Variants in SLCO3A1 observed in about 807,000 individuals in gnomAD.
SLCO3A1 encodes PGE1 transporter.
Under a neutral mutation model 63.1 loss-of-function variants are expected in SLCO3A1, and 27 were observed. That is an observed-to-expected ratio of 0.43 (90% CI 0.32 to 0.59). The LOEUF is 0.59. Among genes scored for constraint, SLCO3A1 ranks in the 20% least tolerant of loss-of-function variants. The pLI, the probability that SLCO3A1 is intolerant of heterozygous loss-of-function variation, is 0.09. For synonymous variants in SLCO3A1, 473 were observed against 409.9 expected, an observed-to-expected ratio of 1.15 and a Z score of -1.86; for missense variants, 773 against 945.8, an observed-to-expected ratio of 0.82 and a Z score of 2.40.
intron 2 of SLCO3A1, among the ~76,000 whole-genome samples, chr15:91,917,411 C>T (rs1898698418): frequency 6.6e-6 from 1 of 152,342 alleles, no homozygotes; most frequent in South Asian, 2.1e-4. Flanking sequence ...AGGTTCCTAT[C>T]TGCCAGGCTT....
At chr15:91,962,246 G>C (rs186803037) in intron 2 of SLCO3A1, among the ~76,000 whole-genome samples, 1 of 152,106 alleles carries the variant, frequency 6.6e-6, no homozygotes, top group Non-Finnish European at 1.5e-5. Flanking sequence ...TTGGGAGGCC[G>C]AGGCAGATGG....
chr15:91,938,170 C>T (rs1438836030), intron 2 of SLCO3A1, among the ~76,000 whole-genome samples: 1 of 152,188 alleles, frequency 6.6e-6, no homozygotes, highest in East Asian at 1.9e-4. Context: ...CCACTTGGAG[C>T]TTTCTGAGCC....
At chr15:92,107,919 T>A (rs1360370465) in intron 4 of SLCO3A1, among the ~76,000 whole-genome samples, 1 of 152,232 alleles carries the variant, frequency 6.6e-6, no homozygotes, top group Admixed American at 6.5e-5. Context: ...TGGTGTCTGG[T>A]TTAGTCTTTA....
chr15:91,891,490 T>C (rs1897869694), intron 1 of SLCO3A1, among the ~76,000 whole-genome samples: 1 of 152,184 alleles, frequency 6.6e-6, no homozygotes, highest in Non-Finnish European at 1.5e-5. Context: ...TCCCCAATTC[T>C]CACTCTACCC....
Position 92,163,453 on chromosome 15 carries a change from G to C in SLCO3A1, c.*318G>C. On this transcript the variant is annotated 3_prime_UTR_variant, in exon 10 of 10. Coordinates refer to ENST00000318445, the MANE Select transcript of SLCO3A1 (RefSeq NM_013272.4). ...CAAGCAACAGGCACTGCCAAATTCA[G>C]GGAACAGTGGTGGCCAGCTTGGAGG... 1 of 1,048,344 alleles carries C rather than the reference G, an allele frequency of 9.5e-7. No individual in the cohort carries two copies. The highest frequency in any genetic ancestry group is 1.1e-6 in the Non-Finnish European group (1 of 871,852). The allele number at this position is 1,048,344 out of a possible 1,614,324, so 64.9% of individuals were successfully genotyped here.
intron 2 of SLCO3A1, among the ~76,000 whole-genome samples, chr15:91,976,587 G>A (rs571722420): frequency 3.6e-4 from 55 of 152,208 alleles, no homozygotes; most frequent in African/African-American, 1.2e-3. Flanking sequence ...GGGAATCCAC[G>A]TTGGGCACCA....
At position 92,163,033 on chromosome 15, in the gene SLCO3A1, C is replaced by G. The variant is rs539588950; in HGVS notation, c.2031C>G (p.Asn677Lys). The change falls in exon 10 of 10, where the codon AAC becomes AAG. Residue 677 changes from asparagine (N) to lysine (K), a missense_variant. Transcript: ENST00000318445. ...EFFASTLTLD[N>K]LGRDPVPANQ... is the part of the protein sequence containing the mutation. ...TTGCCTCTACTCTGACCCTAGACAA[C>G]CTGGGGAGGGACCCTGTGCCCGCAA... 1.9e-6 allele frequency: 3 copies of G among 1,600,752 alleles called. No individual in the cohort carries two copies. The highest frequency in any genetic ancestry group is 4.5e-5 in the East Asian group (2 of 44,752).
intron 2 of SLCO3A1, among the ~76,000 whole-genome samples, chr15:92,057,656 A>G (rs570460260): frequency 6.6e-6 from 1 of 152,252 alleles, no homozygotes; most frequent in East Asian, 1.9e-4. Context: ...GCCTCCAGAC[A>G]TTGACCAGAA....
Position 92,163,508 on chromosome 15 carries a change from C to G in SLCO3A1, c.*373C>G, listed in dbSNP as rs904083045. On this transcript the variant is annotated 3_prime_UTR_variant, in exon 10 of 10. Coordinates refer to ENST00000318445, the MANE Select transcript of SLCO3A1 (RefSeq NM_013272.4). The stretch of plus-strand genomic sequence containing the variant: ...ACATTTCTGGATACACATACACATA[C>G]AAAACAGAAAACATTTTTTAAAAGA... 1.7e-5 allele frequency: 17 copies of G among 992,364 alleles called. 1 individual carries two copies. In the Admixed American group the frequency reaches 3.1e-4, roughly 18 times the overall value. The allele number at this position is 992,364 out of a possible 1,614,324, so 61.5% of individuals were successfully genotyped here. A position where few individuals can be genotyped will look rare whatever the true frequency, so the allele number is the denominator to read the frequency against.
chr15:91,890,837 C>T (rs1897851272), intron 1 of SLCO3A1, among the ~76,000 whole-genome samples: 1 of 152,198 alleles, frequency 6.6e-6, no homozygotes, highest in African/African-American at 2.4e-5. Context: ...TCACTGATGC[C>T]TCACTACTGC....
At chr15:92,152,513 C>CAAAGT in intron 9 of SLCO3A1, among the ~76,000 whole-genome samples, 1 of 152,174 alleles carries the variant, frequency 6.6e-6, no homozygotes, top group Non-Finnish European at 1.5e-5. Context: ...AGCGCTAATT[C>CAAAGT]AAAGTAAAGC....
intron 7 of SLCO3A1, among the ~76,000 whole-genome samples, chr15:92,129,077 C>T (rs1016684984): frequency 1.3e-5 from 2 of 152,198 alleles, no homozygotes; most frequent in East Asian, 1.9e-4. Flanking sequence ...AAACCTGATG[C>T]TAAGTGACGG....
Position 92,132,347 on chromosome 15 carries a change from T to A in SLCO3A1, c.1512+3858T>A, listed in dbSNP as rs74550920. ...TGCTCTGGATTGGATTTTTTTTTTT[T>A]ATTTTCTTATATCTCCTTGAGTGAT... On this transcript the variant is annotated intron_variant, in intron 7 of 9. Transcript: ENST00000318445. 2.8e-4 allele frequency among the ~76,000 whole-genome samples: 41 copies of A among 144,912 alleles called. 4 individuals are homozygous for A. Among genetic ancestry groups the A allele is most frequent in the African/African-American group, 8.8e-4 (35 of 39,984 alleles).
rs9920131 is a variant in SLCO3A1 at position 92,058,058 on chromosome 15, G to A, written c.647-36823G>A. On this transcript the variant is annotated intron_variant, in intron 2 of 9. Transcript: ENST00000318445. Reference sequence around the variant, plus strand: ...TGTGACTTGCCCGTGGTCACACAGCGGGTAAGGGGTCAGCTGAATTTGGAC... The same window carrying A: ...TGTGACTTGCCCGTGGTCACACAGCAGGTAAGGGGTCAGCTGAATTTGGAC... Among the ~76,000 whole-genome samples, 793 of 152,278 alleles carry A rather than the reference G, an allele frequency of 5.2e-3. 9 individuals are homozygous for A. The highest frequency in any genetic ancestry group is 0.018 in the African/African-American group (737 of 41,538).
At chr15:92,016,623 A>G (rs2046441284) in intron 2 of SLCO3A1, among the ~76,000 whole-genome samples, 1 of 152,212 alleles carries the variant, frequency 6.6e-6, no homozygotes, top group Admixed American at 6.5e-5. Context: ...GCATGGCTTA[A>G]AGAATGAATT....
rs2138849 is a variant in SLCO3A1 at position 91,967,883 on chromosome 15, G to C, written c.646+51425G>C. On this transcript the variant is annotated intron_variant, in intron 2 of 9. Coordinates refer to ENST00000318445, the MANE Select transcript of SLCO3A1 (RefSeq NM_013272.4). This position sits in a 1 kb window ranked among gnomAD's most constrained non-coding sequence, Gnocchi z 4.4. ...TTGTCTGCTTTGTCTGCAGGATTCA[G>C]CACCAAGAGCTCTCAAGAGCAAATC... Among the ~76,000 whole-genome samples the C allele has an allele frequency of 6.6e-6, 1 of 152,000 alleles. No individual in the cohort carries two copies. Among genetic ancestry groups the C allele is most frequent in the Admixed American group, 6.5e-5 (1 of 15,284 alleles).
intron 1 of SLCO3A1, among the ~76,000 whole-genome samples, chr15:91,890,179 T>G (rs1452663904): frequency 1.3e-5 from 2 of 152,238 alleles, no homozygotes; most frequent in African/African-American, 4.8e-5. Context: ...TTGAAAAAAT[T>G]AAGCATAAAA....
At chr15:91,978,989 T>C (rs1297913721) in intron 2 of SLCO3A1, among the ~76,000 whole-genome samples, 1 of 152,228 alleles carries the variant, frequency 6.6e-6, no homozygotes, top group East Asian at 1.9e-4. Context: ...ATTACTAAAA[T>C]TGGTTTGCCA....
chr15:91,955,856 A>G (rs1022760730), intron 2 of SLCO3A1, among the ~76,000 whole-genome samples: 1 of 152,224 alleles, frequency 6.6e-6, no homozygotes, highest in African/African-American at 2.4e-5. Flanking sequence ...TGGAATCTGT[A>G]ATTACCAGCT....
Sources: gnomAD v4.1 joint callset for allele counts (sites outside exome capture counted in the v4.1 genomes callset) on GRCh38, gnomAD v4.1.1 for gene constraint, Gnocchi (gnomAD v3.1) non-coding constraint, MANE v1.5 for transcripts, NCBI Gene and HGNC (gene_info 2026-07-23, HGNC 2026-07-21) for gene names.